The following PCCA variants were observed in gnomAD, a reference collection of about 807,000 sequenced individuals.
PCCA encodes propionyl-CoA carboxylase alpha chain, mitochondrial.
PCCA carries 74 observed loss-of-function variants against 101.3 expected under a neutral mutation model. The ratio of observed to expected loss-of-function variants is 0.73; its 90% CI spans 0.61 to 0.89. The LOEUF is 0.89. Among genes scored for constraint, PCCA ranks in the 40% least tolerant of loss-of-function variants. The pLI, the probability that PCCA is intolerant of heterozygous loss-of-function variation, is 0.00. For synonymous variants in PCCA, 294 were observed against 313.6 expected, an observed-to-expected ratio of 0.94 and a Z score of 0.66; for missense variants, 891 against 907.0, an observed-to-expected ratio of 0.98 and a Z score of 0.23.
intron 21 of PCCA, among the ~76,000 whole-genome samples, chr13:100,505,539 G>A (rs1313147723): frequency 6.6e-6 from 1 of 152,166 alleles, no homozygotes; most frequent in Non-Finnish European, 1.5e-5. Context: ...GTTAATCTGA[G>A]ATGTCCTACA....
At chr13:100,275,500 T>C (rs954735446) in intron 12 of PCCA, among the ~76,000 whole-genome samples, 1 of 152,186 alleles carries the variant, frequency 6.6e-6, no homozygotes, top group African/African-American at 2.4e-5. Context: ...ACCTACCTGT[T>C]TGAAGACAGT....
At chr13:100,359,350 A>G (rs1038419417) in intron 18 of PCCA, among the ~76,000 whole-genome samples, 3 of 152,184 alleles carry the variant, frequency 2.0e-5, no homozygotes, top group African/African-American at 7.2e-5. Flanking sequence ...TGCAGTTGGA[A>G]AGAAAAGAAT....
intron 19 of PCCA, among the ~76,000 whole-genome samples, chr13:100,418,619 G>A (rs936065733): frequency 1.3e-5 from 2 of 151,926 alleles, no homozygotes; most frequent in Non-Finnish European, 2.9e-5. Context: ...GGTGGGCAGA[G>A]ATCAGGAGTT....
At chr13:100,120,748 A>G (rs943907476) in intron 4 of PCCA, among the ~76,000 whole-genome samples, 24 of 152,038 alleles carry the variant, frequency 1.6e-4, no homozygotes, top group African/African-American at 5.6e-4. Context: ...TTTATGTTTC[A>G]TTTTCCAGGC....
intron 21 of PCCA, among the ~76,000 whole-genome samples, chr13:100,477,658 A>G (rs1451749005): frequency 1.3e-5 from 2 of 152,164 alleles, no homozygotes; most frequent in South Asian, 2.1e-4. Flanking sequence ...AACTGTGGTA[A>G]TCCTTGTTGA....
intron 8 of PCCA, among the ~76,000 whole-genome samples, chr13:100,252,005 G>GT (rs372207319): frequency 1.3e-5 from 2 of 151,674 alleles, no homozygotes; most frequent in Non-Finnish European, 2.9e-5. Context: ...AGGCTGAGGG[G>GT]GTTCAAAAGG....
chr13:100,298,138 A>AT (rs1184308504), intron 12 of PCCA, among the ~76,000 whole-genome samples: 2 of 152,168 alleles, frequency 1.3e-5, no homozygotes, highest in African/African-American at 4.8e-5. Flanking sequence ...GGAAAAACAT[A>AT]TGAAGCCAGG....
chr13:100,272,096 T>C (rs190681571), intron 11 of PCCA, among the ~76,000 whole-genome samples: 207 of 152,348 alleles, frequency 1.4e-3, no homozygotes, highest in African/African-American at 4.6e-3. Flanking sequence ...AGTGGTTTGA[T>C]GATATTTTTT....
intron 12 of PCCA, among the ~76,000 whole-genome samples, chr13:100,292,735 A>G (rs2065224007): frequency 6.6e-6 from 1 of 152,210 alleles, no homozygotes; most frequent in Non-Finnish European, 1.5e-5. Context: ...TTACATGTGA[A>G]CAAACATATT....
chr13:100,118,125 G>GA (rs537580846), intron 4 of PCCA, among the ~76,000 whole-genome samples: 18,333 of 95,210 alleles, frequency 0.19, 1,378 homozygotes, highest in African/African-American at 0.31. Context: ...CAAAAAAAAA[G>GA]AAAAAAAAAA....
chr13:100,348,787 T>TCTTCCTTCCTTCCTTC (rs142274622), intron 18 of PCCA, among the ~76,000 whole-genome samples: 18 of 46,648 alleles, frequency 3.9e-4, no homozygotes, highest in East Asian at 2.8e-3. Context: ...TTTCTTTCTT[T>TCTTCCTTCCTTCCTTC]CTTCCTTCCT....
At chr13:100,313,404 A>G (rs1205258275) in intron 16 of PCCA, among the ~76,000 whole-genome samples, 1 of 152,204 alleles carries the variant, frequency 6.6e-6, no homozygotes, top group African/African-American at 2.4e-5. Flanking sequence ...ATTTCTCCCA[A>G]AATTTGGAGG....
Position 100,250,646 on chromosome 13 carries a change from T to C in PCCA, c.638-6949T>C, listed in dbSNP as rs147332201. On this transcript the variant is annotated intron_variant, in intron 8 of 23. Transcript: ENST00000376285. ...TCTGTCAGCTATTTTCCTTCTGATA[T>C]GAATCACATTTTGCATCTTTACCTA... Among the ~76,000 whole-genome samples, 11 of 152,298 alleles carry C rather than the reference T, an allele frequency of 7.2e-5. No homozygotes were observed. In the East Asian group the frequency reaches 1.7e-3, roughly 24 times the overall value.
intron 22 of PCCA, among the ~76,000 whole-genome samples, chr13:100,520,621 C>T (rs1271617580): frequency 1.8e-5 from 2 of 110,412 alleles, no homozygotes; most frequent in African/African-American, 3.7e-5. Flanking sequence ...GGCGACAGAG[C>T]GAGACTCCGT....
chr13:100,399,873 C>T (rs1484903971), intron 19 of PCCA, among the ~76,000 whole-genome samples: 1 of 152,166 alleles, frequency 6.6e-6, no homozygotes, highest in Non-Finnish European at 1.5e-5. Context: ...CTTCCTCCCC[C>T]CACTACCTCC....
intron 19 of PCCA, among the ~76,000 whole-genome samples, chr13:100,413,762 C>T (rs2078191936): frequency 6.6e-6 from 1 of 152,168 alleles, no homozygotes; most frequent in African/African-American, 2.4e-5. Context: ...TGCGACCATT[C>T]ACGGCAATAC....
At chr13:100,137,050 AT>A (rs969634133) in intron 4 of PCCA, among the ~76,000 whole-genome samples, 5 of 150,502 alleles carry the variant, frequency 3.3e-5, no homozygotes, top group East Asian at 1.9e-4. Flanking sequence ...TGCATCTAAT[AT>A]TTTTTTTTAT....
chr13:100,195,867 T>G (rs1404882536), intron 6 of PCCA, among the ~76,000 whole-genome samples: 1 of 152,180 alleles, frequency 6.6e-6, no homozygotes, highest in East Asian at 1.9e-4. Flanking sequence ...AGTATCCTGA[T>G]GTGCACAAAG....
rs541992500 is a variant in PCCA, at chr13:100,128,423, A to G, written c.300+16362A>G. On this transcript the variant is annotated intron_variant, in intron 4 of 23. Transcript: ENST00000376285. ...TAGGATTGCTGCTTTAGAGATGGGT[A>G]TAGAGAAATAAAACATAAATAATTA... 3.3e-5 allele frequency among the ~76,000 whole-genome samples: 5 copies of G among 152,322 alleles called. 1 individual carries two copies. Among genetic ancestry groups the G allele is most frequent in the African/African-American group, 9.6e-5 (4 of 41,578 alleles).
Sources: gnomAD v4.1 joint callset for allele counts (sites outside exome capture counted in the v4.1 genomes callset) on GRCh38, gnomAD v4.1.1 for gene constraint, MANE v1.5 for transcripts, NCBI Gene and HGNC (gene_info 2026-07-23, HGNC 2026-07-21) for gene names.